The following SCGB2A2 variants were observed in gnomAD, a reference collection of about 807,000 sequenced individuals.
SCGB2A2 encodes secretoglobin family 2A member 2.
Under a neutral mutation model 8.8 loss-of-function variants are expected in SCGB2A2, and 11 were observed. That is an observed-to-expected ratio of 1.25 (90% CI 0.79 to 2.07). The LOEUF is 2.07. Among genes scored for constraint, SCGB2A2 ranks in the 30% most tolerant of loss-of-function variants. The probability of loss-of-function intolerance (pLI) is 0.00; values close to 1 mark genes in which losing one functional copy is unlikely to be tolerated. For synonymous variants in SCGB2A2, 42 were observed against 40.9 expected (o/e 1.03, Z -0.10); for missense variants, 113 against 109.9 (o/e 1.03, Z -0.13).
At chr11:62,271,278 G>A in intron 2 of SCGB2A2, 2 of 1,458,784 alleles carry the variant, frequency 1.4e-6, no homozygotes, top group African/African-American at 1.4e-5. Context: ...ATCCTCAGTG[G>A]ATGATAAATG....
At chr11:62,272,330 T>A (rs1945286160) in intron 2 of SCGB2A2, among the ~76,000 whole-genome samples, 1 of 151,268 alleles carries the variant, frequency 6.6e-6, no homozygotes, top group African/African-American at 2.4e-5. Flanking sequence ...GGGTCTGGAG[T>A]TTCAGTTGTG....
At chr11:62,270,779 C>T (rs138920162) in intron 1 of SCGB2A2, 102 bp from the exon 2 acceptor site, 2 of 821,866 alleles carry the variant, frequency 2.4e-6, no homozygotes, top group Non-Finnish European at 1.9e-6. Context: ...ATCTTTGAGT[C>T]TATATTCTCT....
chr11:62,271,509 A>G (rs1945278897), intron 2 of SCGB2A2: 2 of 1,214,948 alleles, frequency 1.6e-6, no homozygotes, highest in South Asian at 2.5e-5. Context: ...ACAGACACAG[A>G]CACAGACACA....
At chr11:62,270,810 A>C in intron 1 of SCGB2A2, 71 bp from the exon 2 acceptor site, 2 of 1,102,566 alleles carry the variant, frequency 1.8e-6, no homozygotes, top group Non-Finnish European at 2.7e-6. Context: ...GAAGATGAGG[A>C]ATGTAATAGG....
chr11:62,272,912 G>A, intron 2 of SCGB2A2, 45 bp from the exon 3 acceptor site: 1 of 1,402,970 alleles, frequency 7.1e-7, no homozygotes, highest in Non-Finnish European at 1.0e-6. Flanking sequence ...TATTTTGTTA[G>A]AGAGTGCAGA....
chr11:62,271,062 G>T lies in SCGB2A2; in HGVS notation c.237G>T (p.Val79=). ...QTDETLSNVE[V]FMQLIYDSSL... is the part of the protein sequence containing the mutation. ...ATGAAACTCTGAGCAATGTTGAGGTGTTTATGGTAATTTCATTTTCTTCCT... is the reference window on the plus strand; with the variant it reads ...ATGAAACTCTGAGCAATGTTGAGGTTTTTATGGTAATTTCATTTTCTTCCT... Residue 79 remains valine (V), a synonymous_variant, in exon 2 of 3, where the codon GTG becomes GTT. Transcript: ENST00000227918. 6.2e-7 allele frequency: 1 copy of T among 1,614,192 alleles called. No individual in the cohort carries two copies. The highest frequency in any genetic ancestry group is 8.5e-7 in the Non-Finnish European group (1 of 1,180,020).
intron 2 of SCGB2A2, chr11:62,271,568 G>C: frequency 9.3e-7 from 1 of 1,071,182 alleles, no homozygotes; most frequent in Non-Finnish European, 1.1e-6. Flanking sequence ...CACACAGACA[G>C]AACCACACAA....
chr11:62,270,863 C>T lies in SCGB2A2; in HGVS notation c.56-18C>T, dbSNP rs747251146. On this transcript the variant is annotated intron_variant, in intron 1 of 2. Coordinates refer to ENST00000227918, the MANE Select transcript of SCGB2A2 (RefSeq NM_002411.4). ...ATGCCTTCTGTACCAAGCTTGTTTC[C>T]TTGTGCATCCTTCCCAGGCTCTGGC... 3.7e-6 allele frequency: 6 copies of T among 1,610,056 alleles called. No individual in the cohort carries two copies. Among genetic ancestry groups the T allele is most frequent in the Non-Finnish European group, 5.1e-6 (6 of 1,177,134 alleles).
intron 2 of SCGB2A2, chr11:62,271,412 G>A: frequency 1.4e-6 from 2 of 1,409,640 alleles, no homozygotes; most frequent in Non-Finnish European, 1.8e-6. Context: ...CACACATCCA[G>A]ACACATGCAA....
intron 2 of SCGB2A2, chr11:62,271,310 G>A (rs1238899064): frequency 2.1e-6 from 3 of 1,443,252 alleles, no homozygotes; most frequent in Admixed American, 2.8e-5. Context: ...AGAGGAAAAG[G>A]AAAGGTCGGT....
rs752748582 is a variant in SCGB2A2, at chr11:62,270,916, A to G, written c.91A>G (p.Lys31Glu). Residue 31 changes from lysine (K) to glutamate (E), a missense_variant, in exon 2 of 3, where the codon AAG becomes GAG. Coordinates refer to ENST00000227918, the MANE Select transcript of SCGB2A2 (RefSeq NM_002411.4). ...CCCCTTATTGGAGAATGTGATTTCC[A>G]AGACAATCAATCCACAAGTGTCTAA... ...GCPLLENVISKTINPQVSKTE... is the reference protein window; with the variant it reads ...GCPLLENVISETINPQVSKTE... 16 of 1,614,146 alleles carry G rather than the reference A, an allele frequency of 9.9e-6. No individual in the cohort carries two copies. The highest frequency in any genetic ancestry group is 1.4e-5 in the Non-Finnish European group (16 of 1,179,994).
At chr11:62,270,754 A>G (rs1945270739) in intron 1 of SCGB2A2, 127 bp from the exon 2 acceptor site, 4 of 719,148 alleles carry the variant, frequency 5.6e-6, no homozygotes, top group Non-Finnish European at 9.0e-6. Context: ...TGAGAACTCT[A>G]GATTCTGCAT....
At chr11:62,270,631 T>G (rs1322586557) in intron 1 of SCGB2A2, among the ~76,000 whole-genome samples, 1 of 152,192 alleles carries the variant, frequency 6.6e-6, no homozygotes, top group Non-Finnish European at 1.5e-5. Flanking sequence ...ATTTCTCAAG[T>G]CTTCTCATTA....
intron 2 of SCGB2A2, chr11:62,271,450 AAC>A (rs1235319891): frequency 6.6e-6 from 9 of 1,357,838 alleles, no homozygotes; most frequent in East Asian, 2.7e-5. Context: ...CAATCACACA[AAC>A]ACACACACAT....
chr11:62,272,042 TAAAAA>T (rs71053028), intron 2 of SCGB2A2: 743 of 214,440 alleles, frequency 3.5e-3, no homozygotes, highest in Middle Eastern at 7.2e-3. Context: ...CCTTCCCTGG[TAAAAA>T]AAAAAAAAAA....
At chr11:62,271,090 A>G (rs528899216) in intron 2 of SCGB2A2, 22 bp downstream of exon 2, 1 of 1,613,886 alleles carries the variant, frequency 6.2e-7, no homozygotes, top group East Asian at 2.2e-5. Context: ...TTCTTCCTAT[A>G]AGCTTTTTAA....
Position 62,270,864 on chromosome 11 carries a change from T to C in SCGB2A2, c.56-17T>C, listed in dbSNP as rs771303036. 3.1e-6 allele frequency: 5 copies of C among 1,610,510 alleles called. No individual in the cohort carries two copies. The highest frequency in any genetic ancestry group is 1.1e-5 in the South Asian group (1 of 90,930). ...TGCCTTCTGTACCAAGCTTGTTTCCTTGTGCATCCTTCCCAGGCTCTGGCT... is the reference window on the plus strand; with the variant it reads ...TGCCTTCTGTACCAAGCTTGTTTCCCTGTGCATCCTTCCCAGGCTCTGGCT... On this transcript the variant is annotated splice_polypyrimidine_tract_variant and intron_variant, in intron 1 of 2. Coordinates refer to ENST00000227918, the MANE Select transcript of SCGB2A2 (RefSeq NM_002411.4).
At chr11:62,272,368 T>G (rs958978470) in intron 2 of SCGB2A2, among the ~76,000 whole-genome samples, 10 of 152,134 alleles carry the variant, frequency 6.6e-5, no homozygotes, top group African/African-American at 2.4e-4. Flanking sequence ...GGAGTTAGGT[T>G]GCACAACCAC....
chr11:62,271,656 C>A, intron 2 of SCGB2A2: 2 of 993,832 alleles, frequency 2.0e-6, no homozygotes, highest in Non-Finnish European at 2.4e-6. Flanking sequence ...ACAGAAAAAA[C>A]AATTTTCCAG....
Sources: gnomAD v4.1 joint callset for allele counts (sites outside exome capture counted in the v4.1 genomes callset) on GRCh38, gnomAD v4.1.1 for gene constraint, MANE v1.5 for transcripts, NCBI Gene and HGNC (gene_info 2026-07-23, HGNC 2026-07-21) for gene names.